KCNMB2: variants seen among roughly 807,000 people sequenced by gnomAD.
KCNMB2 encodes the protein potassium calcium-activated channel subfamily M regulatory beta subunit 2.
A neutral mutation model predicts 24.5 loss-of-function variants in KCNMB2; 9 were observed. That is an observed-to-expected ratio of 0.37 (90% CI 0.22 to 0.64). KCNMB2 has a LOEUF of 0.64. Among genes scored for constraint, KCNMB2 ranks in the 30% least tolerant of loss-of-function variants. KCNMB2 has a pLI of 0.63. For missense variants in KCNMB2, 226 were observed against 284.3 expected (o/e 0.79, Z 1.47); for synonymous variants, 109 against 104.4 (o/e 1.04, Z -0.27).
At chr3:178,778,016 T>C (rs75192142) in intron 1 of KCNMB2, among the ~76,000 whole-genome samples, 21,428 of 152,268 alleles carry the variant, frequency 0.14, 1,837 homozygotes, top group Admixed American at 0.18. Context: ...CCCTGGCTAC[T>C]GCAGCTGCAT....
chr3:178,825,540 T>C (rs199937950), intron 2 of KCNMB2, 48 bp from the exon 3 acceptor site: 3 of 1,527,598 alleles, frequency 2.0e-6, no homozygotes, highest in African/African-American at 1.4e-5. Flanking sequence ...TCTAGGGGCA[T>C]GCTGATTAAC....
intron 2 of KCNMB2, among the ~76,000 whole-genome samples, chr3:178,813,159 A>G (rs1245340789): frequency 6.6e-6 from 1 of 152,212 alleles, no homozygotes; most frequent in Non-Finnish European, 1.5e-5. Flanking sequence ...TTGCATTTAA[A>G]AAAAGTGTAC....
At chr3:178,685,198 C>A (rs1229931909) in intron 1 of KCNMB2, among the ~76,000 whole-genome samples, 1 of 152,144 alleles carries the variant, frequency 6.6e-6, no homozygotes, top group African/African-American at 2.4e-5. Flanking sequence ...GTGAGGCAGG[C>A]CTGGCTTTAT....
At chr3:178,744,807 T>G (rs1723610930) in intron 1 of KCNMB2, among the ~76,000 whole-genome samples, 1 of 152,194 alleles carries the variant, frequency 6.6e-6, no homozygotes. Context: ...ATTTTGCTCT[T>G]CTTACACAAG....
chr3:178,762,402 A>C lies in KCNMB2; in HGVS notation c.-67-44941A>C, dbSNP rs78749704. 6.1e-3 allele frequency among the ~76,000 whole-genome samples: 931 copies of C among 152,322 alleles called. 15 individuals carry two copies. Among genetic ancestry groups the C allele is most frequent in the African/African-American group, 0.021 (881 of 41,568 alleles). Reference sequence around the variant, plus strand: ...GACGTGGCATGTCCAGTGTGGCTATATCCCAGTAAGAAAAGGAGTACAACA... The same window carrying C: ...GACGTGGCATGTCCAGTGTGGCTATCTCCCAGTAAGAAAAGGAGTACAACA... On this transcript the variant is annotated intron_variant, in intron 1 of 4. Transcript: ENST00000452583.
chr3:178,621,935 C>A (rs1272128719), intron 1 of KCNMB2, among the ~76,000 whole-genome samples: 1 of 152,122 alleles, frequency 6.6e-6, no homozygotes, highest in Non-Finnish European at 1.5e-5. Flanking sequence ...AATCTAGAGA[C>A]AGACTAATTG....
intron 1 of KCNMB2, among the ~76,000 whole-genome samples, chr3:178,798,387 ATTTGTTTG>A (rs112870851): frequency 4.6e-5 from 7 of 151,600 alleles, no homozygotes; most frequent in Non-Finnish European, 7.4e-5. Context: ...TTTTGTGTTT[ATTTGTTTG>A]TTTGTTTGTT....
intron 1 of KCNMB2, among the ~76,000 whole-genome samples, chr3:178,659,302 T>C (rs1191887017): frequency 6.6e-6 from 1 of 152,224 alleles, no homozygotes; most frequent in Non-Finnish European, 1.5e-5. Context: ...AAAACATTTG[T>C]GAAGAACAAA....
chr3:178,576,234 G>A (rs1046390100), intron 1 of KCNMB2, among the ~76,000 whole-genome samples: 1 of 152,116 alleles, frequency 6.6e-6, no homozygotes, highest in South Asian at 2.1e-4. Context: ...CACCCAGGAA[G>A]CACAAGAGGC....
intron 4 of KCNMB2, among the ~76,000 whole-genome samples, chr3:178,838,689 A>C (rs1213216265): frequency 1.3e-5 from 2 of 152,100 alleles, no homozygotes; most frequent in Non-Finnish European, 2.9e-5. Flanking sequence ...TTCCTGGGAA[A>C]TCTACTGGTC....
chr3:178,557,020 G>T (rs1013982989), intron 1 of KCNMB2, among the ~76,000 whole-genome samples: 10 of 152,184 alleles, frequency 6.6e-5, no homozygotes, highest in Non-Finnish European at 1.2e-4. Flanking sequence ...AAACACATTT[G>T]CAGGTTTGAG....
At chr3:178,676,246 C>T (rs1410647100) in intron 1 of KCNMB2, among the ~76,000 whole-genome samples, 1 of 152,110 alleles carries the variant, frequency 6.6e-6, no homozygotes, top group Non-Finnish European at 1.5e-5. Context: ...AGCCTGGACG[C>T]ACACCAGAGC....
chr3:178,816,388 T>A (rs1351188033), intron 2 of KCNMB2, among the ~76,000 whole-genome samples: 7 of 151,970 alleles, frequency 4.6e-5, no homozygotes, highest in Admixed American at 6.5e-5. Context: ...TTTTCCTTGA[T>A]CAATTTTTTC....
chr3:178,787,730 G>A (rs965432890), intron 1 of KCNMB2, among the ~76,000 whole-genome samples: 15 of 151,858 alleles, frequency 9.9e-5, no homozygotes, highest in Admixed American at 2.6e-4. Flanking sequence ...TGTTGCCATC[G>A]CTTAACCATT....
intron 2 of KCNMB2, among the ~76,000 whole-genome samples, chr3:178,818,570 C>T (rs1006304905): frequency 2.6e-5 from 4 of 152,134 alleles, no homozygotes; most frequent in African/African-American, 4.8e-5. Flanking sequence ...TAATGGCTTC[C>T]AGCTTCATCT....
chr3:178,815,283 C>T (rs1714362144), intron 2 of KCNMB2, among the ~76,000 whole-genome samples: 1 of 151,810 alleles, frequency 6.6e-6, no homozygotes, highest in African/African-American at 2.4e-5. Context: ...AAACTACGGG[C>T]ATGCACCACT....
Position 178,843,792 on chromosome 3 carries a change from A to T in KCNMB2, c.*855A>T, listed in dbSNP as rs985536614. ...CATTAGATGGTAAAATTAAGATGCT[A>T]CTTGTTGGTAAAAATTGGTGGACTG... On this transcript the variant is annotated 3_prime_UTR_variant, in exon 5 of 5. Coordinates refer to ENST00000452583, the MANE Select transcript of KCNMB2 (RefSeq NM_181361.3). 1.3e-5 allele frequency: 2 copies of T among 152,140 alleles called. No homozygotes were observed. Among genetic ancestry groups the T allele is most frequent in the African/African-American group, 4.8e-5 (2 of 41,442 alleles). The allele number at this position is 152,140 out of a possible 1,614,324, so 9.4% of individuals were successfully genotyped here. A position where few individuals can be genotyped will look rare whatever the true frequency, so the allele number is the denominator to read the frequency against.
At chr3:178,585,295 G>A (rs751310281) in intron 1 of KCNMB2, among the ~76,000 whole-genome samples, 6 of 152,192 alleles carry the variant, frequency 3.9e-5, no homozygotes, top group Non-Finnish European at 4.4e-5. Context: ...GATGCATGAT[G>A]AAATTTATAA....
At chr3:178,722,555 T>C (rs1403956813) in intron 1 of KCNMB2, among the ~76,000 whole-genome samples, 2 of 152,140 alleles carry the variant, frequency 1.3e-5, no homozygotes, top group African/African-American at 4.8e-5. Context: ...ACGACATTAA[T>C]CTATTCATGA....
Sources: allele counts gnomAD v4.1 joint callset (sites outside exome capture counted in the v4.1 genomes callset), GRCh38; gene constraint gnomAD v4.1.1; transcripts MANE v1.5; gene names NCBI Gene and HGNC (gene_info 2026-07-23, HGNC 2026-07-21).